The following ATP11A variants were observed in gnomAD, a reference collection of about 807,000 sequenced individuals.
ATP11A encodes the protein phospholipid-transporting ATPase IH.
ATP11A carries 81 observed loss-of-function variants against 154.4 expected under a neutral mutation model. That is an observed-to-expected ratio of 0.52 (90% CI 0.44 to 0.63). The LOEUF (loss-of-function observed/expected upper bound fraction) is 0.63, where lower values mean the gene tolerates loss of function less well. Ranked by LOEUF, ATP11A falls within the 30% of genes least tolerant of loss-of-function variation. The pLI, the probability that ATP11A is intolerant of heterozygous loss-of-function variation, is 0.00. For missense variants in ATP11A, 1,316 were observed against 1,474.3 expected (o/e 0.89, Z 1.76); for synonymous variants, 623 against 585.9 (o/e 1.06, Z -0.91).
chr13:112,858,337 C>G (rs777397184), intron 22 of ATP11A, 47 bp downstream of exon 22: 4 of 1,561,820 alleles, frequency 2.6e-6, no homozygotes, highest in Non-Finnish European at 2.6e-6. Flanking sequence ...ACAGGTCACG[C>G]ACAGGGTGGC....
intron 28 of ATP11A, among the ~76,000 whole-genome samples, chr13:112,877,170 C>T (rs922692469): frequency 1.3e-5 from 2 of 152,076 alleles, no homozygotes; most frequent in African/African-American, 4.8e-5. Flanking sequence ...CAGTTGGCTG[C>T]TTATAAGAAG....
At chr13:112,769,245 C>T (rs1374034810) in intron 1 of ATP11A, among the ~76,000 whole-genome samples, 1 of 152,232 alleles carries the variant, frequency 6.6e-6, no homozygotes, top group Middle Eastern at 3.2e-3. Flanking sequence ...GGGCTGAGCT[C>T]CAAACCGGGC....
Position 112,875,473 on chromosome 13 carries a change from CCTTT to C in ATP11A, c.3162-302_3162-299del, listed in dbSNP as rs1285606100. 7.3e-6 allele frequency among the ~76,000 whole-genome samples: 1 copy of C among 137,382 alleles called. No homozygotes were observed. The highest frequency in any genetic ancestry group is 1.6e-5 in the Non-Finnish European group (1 of 64,144). The allele number at this position is 137,382 out of a possible 152,430, so 90.1% of individuals were successfully genotyped here. The stretch of plus-strand genomic sequence containing the variant: ...ATAGAAAAACATCCCTATTTCAATC[CCTTT>C]GTGTTTTGTTTTTTGTTTTTTTTTT... On this transcript the variant is annotated intron_variant, in intron 27 of 29. Transcript: ENST00000375645. The surrounding 1 kb of genome is among the most constrained non-coding windows in gnomAD (Gnocchi z 4.1).
At chr13:112,849,636 C>T (rs2079705764) in intron 17 of ATP11A, among the ~76,000 whole-genome samples, 4 of 152,242 alleles carry the variant, frequency 2.6e-5, no homozygotes, top group Admixed American at 2.6e-4. Flanking sequence ...TGTCTCCAAT[C>T]TGTAACTTGA....
chr13:112,738,993 A>G (rs1358746045), intron 1 of ATP11A, among the ~76,000 whole-genome samples: 5 of 152,154 alleles, frequency 3.3e-5, no homozygotes, highest in Admixed American at 3.3e-4. Flanking sequence ...TACTGCAGAT[A>G]CTTAGGACTT....
At chr13:112,790,237 C>A (rs1252114068) in intron 2 of ATP11A, among the ~76,000 whole-genome samples, 1 of 151,434 alleles carries the variant, frequency 6.6e-6, no homozygotes, top group Non-Finnish European at 1.5e-5. Context: ...CCTGTGGAGA[C>A]CTACTTAATT....
At position 112,826,753 on chromosome 13, in the gene ATP11A, T is replaced by C. The variant is rs780988614; in HGVS notation, c.1083T>C (p.Pro361=). The change falls in exon 12 of 30, where the codon CCT becomes CCC. Residue 361 remains proline (P), a synonymous_variant. Transcript: ENST00000375645. ...AFMVLFNYII[P]VSMYVTVEMQ... is the part of the protein sequence containing the mutation. The stretch of plus-strand genomic sequence containing the variant: ...TGGTCCTCTTTAACTACATCATCCC[T>C]GTGTCCATGTACGTCACGGTCGAGA... The C allele has an allele frequency of 4.3e-6, 7 of 1,614,206 alleles. No homozygotes were observed. In the East Asian group the frequency reaches 1.6e-4, roughly 36 times the overall value.
chr13:112,762,034 C>T (rs539242139), intron 1 of ATP11A, among the ~76,000 whole-genome samples: 1 of 152,110 alleles, frequency 6.6e-6, no homozygotes, highest in Non-Finnish European at 1.5e-5. Flanking sequence ...TTCGTGACCT[C>T]GATGGAAGAT....
At position 112,812,377 on chromosome 13, in the gene ATP11A, C is replaced by T. The variant is rs193048811; in HGVS notation, c.441+1651C>T. Among the ~76,000 whole-genome samples the T allele has an allele frequency of 1.1e-4, 16 of 152,336 alleles. No homozygotes were observed. In the East Asian group the frequency reaches 3.1e-3, roughly 29 times the overall value. ...TTCCAACTCCCACGCCTCCCTCCCT[C>T]GTGCAGCCCCACTGCCTCCCTGGCT... On this transcript the variant is annotated intron_variant, in intron 5 of 29. Coordinates refer to ENST00000375645, the MANE Select transcript of ATP11A (RefSeq NM_015205.3).
In ATP11A at chr13:112,875,644, C is replaced by T; in HGVS notation, c.3162-132C>T. Reference sequence around the variant, plus strand: ...TTTTATATGATAAATTCAGAGCAGGCTCCGTGGCTTGCCAAGCAACTCTCA... The same window carrying T: ...TTTTATATGATAAATTCAGAGCAGGTTCCGTGGCTTGCCAAGCAACTCTCA... On this transcript the variant is annotated intron_variant, in intron 27 of 29. Coordinates refer to ENST00000375645, the MANE Select transcript of ATP11A (RefSeq NM_015205.3). This position sits in a 1 kb window ranked among gnomAD's most constrained non-coding sequence, Gnocchi z 4.1. The T allele has an allele frequency of 1.1e-6, 1 of 944,496 alleles. No homozygotes were observed. The allele number at this position is 944,496 out of a possible 1,614,324, so 58.5% of individuals were successfully genotyped here. A position where few individuals can be genotyped will look rare whatever the true frequency, so the allele number is the denominator to read the frequency against.
chr13:112,711,241 A>G (rs1205035021), intron 1 of ATP11A, among the ~76,000 whole-genome samples: 4 of 152,180 alleles, frequency 2.6e-5, no homozygotes, highest in Admixed American at 2.0e-4. Context: ...ATTCGCTCTA[A>G]AATTTTGTCG....
rs2079291059 is a variant in ATP11A, at chr13:112,838,124, A to C, written c.1705+1873A>C. On this transcript the variant is annotated intron_variant, in intron 16 of 29. Coordinates refer to ENST00000375645, the MANE Select transcript of ATP11A (RefSeq NM_015205.3). The surrounding 1 kb of genome is among the most constrained non-coding windows in gnomAD (Gnocchi z 7.3). ...AGGACTCCCACGAAGAGCTTTTGCC[A>C]GCCAGACCGTGGGATCAGCAGGACA... Among the ~76,000 whole-genome samples the C allele has an allele frequency of 6.6e-6, 1 of 152,206 alleles. No homozygotes were observed. The highest frequency in any genetic ancestry group is 1.9e-4 in the East Asian group (1 of 5,194).
Position 112,873,611 on chromosome 13 carries a change from T to G in ATP11A, c.3096T>G (p.His1032Gln), listed in dbSNP as rs765487208. 1.2e-6 allele frequency: 2 copies of G among 1,613,088 alleles called. No homozygotes were observed. Among genetic ancestry groups the G allele is most frequent in the Admixed American group, 1.7e-5 (1 of 59,816 alleles). Reference protein sequence around the residue: ...LDTHYWTWINHFVIWGSLLFY... With the variant: ...LDTHYWTWINQFVIWGSLLFY... ...CACACTACTGGACTTGGATCAACCA[T>G]TTTGTCATCTGGGGGTCGCTGCTGT... Residue 1032 changes from histidine to glutamine, a missense_variant, in exon 27 of 30, where the codon CAT (histidine) becomes CAG (glutamine). By Grantham distance (24) the His-to-Gln change is conservative (BLOSUM62 0). Transcript: ENST00000375645.
Position 112,838,261 on chromosome 13 carries a change from A to G in ATP11A, c.1705+2010A>G, listed in dbSNP as rs1474159338. ...TCAGCCACTCGGAGTTATCTGGGATAAACGCATCCTGGGTGGGAAGTTCCT... is the reference window on the plus strand; with the variant it reads ...TCAGCCACTCGGAGTTATCTGGGATGAACGCATCCTGGGTGGGAAGTTCCT... On this transcript the variant is annotated intron_variant, in intron 16 of 29. Coordinates refer to ENST00000375645, the MANE Select transcript of ATP11A (RefSeq NM_015205.3). This position sits in a 1 kb window ranked among gnomAD's most constrained non-coding sequence, Gnocchi z 7.3. 1.3e-5 allele frequency among the ~76,000 whole-genome samples: 2 copies of G among 152,148 alleles called. No individual in the cohort carries two copies. Among genetic ancestry groups the G allele is most frequent in the African/African-American group, 2.4e-5 (1 of 41,446 alleles).
rs766156063 is a variant in ATP11A at position 112,831,533 on chromosome 13, C to A, written c.1380C>A (p.Pro460=). 2 of 1,614,124 alleles carry A rather than the reference C, an allele frequency of 1.2e-6. No homozygotes were observed. Among genetic ancestry groups the A allele is most frequent in the Non-Finnish European group, 1.7e-6 (2 of 1,179,966 alleles). ...GAATCGACATGATTGACTCGTCCCC[C>A]AGCGTCAACGGGAGGGTAGGTGGCA... ...SSGIDMIDSS[P]SVNGREREEL... is the part of the protein sequence containing the mutation. The change falls in exon 13 of 30, where the codon CCC becomes CCA. Residue 460 remains proline, a synonymous_variant. Transcript: ENST00000375645.
chr13:112,717,041 G>T (rs1594396151), intron 1 of ATP11A, among the ~76,000 whole-genome samples: 1 of 152,178 alleles, frequency 6.6e-6, no homozygotes, highest in African/African-American at 2.4e-5. Context: ...GGTGATGAGT[G>T]GGGGACACGA....
At chr13:112,871,909 G>A (rs1319749449) in intron 26 of ATP11A, 109 bp downstream of exon 26, 52 of 1,224,046 alleles carry the variant, frequency 4.2e-5, no homozygotes, top group Non-Finnish European at 6.2e-5. Context: ...GAGGCTGGAA[G>A]CCACTCTCCA....
In ATP11A at chr13:112,883,339, GA is replaced by G; in HGVS notation, c.*1475del. Reference sequence around the variant, plus strand: ...TGACATAGCCTTAATGGTCCTTAAAGAAGACATTTCAGTGTGAGATTCAGAC... The same window carrying G: ...TGACATAGCCTTAATGGTCCTTAAAGAGACATTTCAGTGTGAGATTCAGAC... On this transcript the variant is annotated 3_prime_UTR_variant, in exon 30 of 30. Coordinates refer to ENST00000375645, the MANE Select transcript of ATP11A (RefSeq NM_015205.3). 2.5e-6 allele frequency: 1 copy of G among 397,354 alleles called. No homozygotes were observed. Among genetic ancestry groups the G allele is most frequent in the East Asian group, 3.6e-5 (1 of 28,054 alleles). 24.6% of individuals were successfully genotyped at this position (397,354 alleles called of 1,614,324 possible).
At chr13:112,826,628 G>A in intron 11 of ATP11A, 66 bp from the exon 12 acceptor site, 1 of 1,278,640 alleles carries the variant, frequency 7.8e-7, no homozygotes, top group Non-Finnish European at 1.1e-6. Flanking sequence ...AGGTGTTAGA[G>A]CAGCATGTTG....
Sources: allele counts gnomAD v4.1 joint callset (sites outside exome capture counted in the v4.1 genomes callset), GRCh38; gene constraint gnomAD v4.1.1; non-coding constraint Gnocchi (gnomAD v3.1); transcripts MANE v1.5; gene names NCBI Gene and HGNC (gene_info 2026-07-23, HGNC 2026-07-21).